The following CTNND2 variants were observed in gnomAD, a reference collection of about 807,000 sequenced individuals.
The protein encoded by CTNND2 is catenin delta 2, also known as catenin delta-2.
Under a neutral mutation model 144.4 loss-of-function variants are expected in CTNND2, and 22 were observed. The ratio of observed to expected loss-of-function variants is 0.15; its 90% CI spans 0.11 to 0.22. CTNND2 has a LOEUF of 0.22. CTNND2 is among the 10% of genes least tolerant of loss of function. The probability of loss-of-function intolerance (pLI) is 1.00; values close to 1 mark genes in which losing one functional copy is unlikely to be tolerated. For synonymous variants in CTNND2, 751 were observed against 695.6 expected (o/e 1.08, Z -1.25); for missense variants, 1,353 against 1,618.8 (o/e 0.84, Z 2.82).
chr5:10,991,215 T>A (rs1375912845), intron 19 of CTNND2, among the ~76,000 whole-genome samples: 1 of 152,202 alleles, frequency 6.6e-6, no homozygotes, highest in East Asian at 1.9e-4. Flanking sequence ...GGCCATTCAT[T>A]TCTCATCATG....
At chr5:11,724,308 G>C (rs536090317) in intron 2 of CTNND2, among the ~76,000 whole-genome samples, 4 of 152,092 alleles carry the variant, frequency 2.6e-5, no homozygotes, top group Non-Finnish European at 5.9e-5. Flanking sequence ...CATTCCAGTG[G>C]AGGGATGAGG....
chr5:11,466,080 G>A (rs907950056), intron 3 of CTNND2, among the ~76,000 whole-genome samples: 3 of 152,120 alleles, frequency 2.0e-5, no homozygotes, highest in African/African-American at 7.2e-5. Context: ...TATGATCATA[G>A]CTCACTGCAA....
chr5:11,181,520 T>C (rs139179612), intron 11 of CTNND2, among the ~76,000 whole-genome samples: 3 of 152,244 alleles, frequency 2.0e-5, no homozygotes, highest in Non-Finnish European at 4.4e-5. Context: ...TGGAAGCTTC[T>C]GCCAAGCCCA....
chr5:11,369,512 T>C (rs539496207), intron 7 of CTNND2, among the ~76,000 whole-genome samples: 1 of 152,364 alleles, frequency 6.6e-6, no homozygotes, highest in East Asian at 1.9e-4. Flanking sequence ...TTGGAACGAT[T>C]TGTAACTAAA....
At chr5:11,315,118 AG>A (rs1326902449) in intron 9 of CTNND2, among the ~76,000 whole-genome samples, 1 of 152,216 alleles carries the variant, frequency 6.6e-6, no homozygotes, top group African/African-American at 2.4e-5. Flanking sequence ...AAAGAAAAAC[AG>A]GAAACCCTAG....
chr5:11,248,220 A>G (rs1489340835), intron 9 of CTNND2, among the ~76,000 whole-genome samples: 1 of 152,184 alleles, frequency 6.6e-6, no homozygotes, highest in Non-Finnish European at 1.5e-5. Flanking sequence ...AGAACATTTG[A>G]GCAGTGTTTT....
At chr5:11,551,432 C>CTTTTTTTTTTTTTTTTTTTTTTTTTT (rs70949326) in intron 3 of CTNND2, among the ~76,000 whole-genome samples, 1 of 100,926 alleles carries the variant, frequency 9.9e-6, no homozygotes, top group African/African-American at 3.6e-5. Context: ...TTTCTTTTTT[C>CTTTTTTTTTTTTTTTTTTTTTTTTTT]TTTTTTTTTT....
At chr5:11,019,875 C>A (rs529490968) in intron 17 of CTNND2, among the ~76,000 whole-genome samples, 1 of 152,066 alleles carries the variant, frequency 6.6e-6, no homozygotes, top group Non-Finnish European at 1.5e-5. Context: ...GAAAAAAAAC[C>A]AAATGTATTC....
chr5:11,340,357 C>G (rs1754122482), intron 9 of CTNND2, among the ~76,000 whole-genome samples: 2 of 152,180 alleles, frequency 1.3e-5, no homozygotes, highest in African/African-American at 2.4e-5. Flanking sequence ...CTGCAGCACC[C>G]ACTCTGGAAT....
intron 9 of CTNND2, among the ~76,000 whole-genome samples, chr5:11,279,324 A>T (rs1298345815): frequency 6.6e-6 from 1 of 152,156 alleles, no homozygotes; most frequent in African/African-American, 2.4e-5. Context: ...AATTAATGGC[A>T]ACCCATCCCT....
At chr5:11,509,376 G>T (rs1771412206) in intron 3 of CTNND2, among the ~76,000 whole-genome samples, 1 of 152,074 alleles carries the variant, frequency 6.6e-6, no homozygotes, top group African/African-American at 2.4e-5. Flanking sequence ...CCATTTAAAA[G>T]CCATCCCATA....
At chr5:11,560,777 T>G (rs147217000) in intron 3 of CTNND2, among the ~76,000 whole-genome samples, 1 of 152,260 alleles carries the variant, frequency 6.6e-6, no homozygotes, top group African/African-American at 2.4e-5. Context: ...AGAGGGAGGA[T>G]ATTCTAGGAA....
intron 2 of CTNND2, among the ~76,000 whole-genome samples, chr5:11,661,396 GA>G (rs1783194340): frequency 6.6e-6 from 1 of 152,120 alleles, no homozygotes; most frequent in Non-Finnish European, 1.5e-5. Context: ...TACTTATTAA[GA>G]AAGTATTACT....
intron 17 of CTNND2, among the ~76,000 whole-genome samples, chr5:11,021,664 C>G (rs1742269343): frequency 6.6e-6 from 1 of 152,110 alleles, no homozygotes; most frequent in African/African-American, 2.4e-5. Flanking sequence ...TCTCTGGGTG[C>G]TTAAACAGAA....
intron 11 of CTNND2, among the ~76,000 whole-genome samples, chr5:11,178,733 T>C (rs1287350947): frequency 2.0e-5 from 3 of 152,332 alleles, no homozygotes; most frequent in Non-Finnish European, 4.4e-5. Flanking sequence ...AATGGTTTTG[T>C]TAAAATTAAT....
intron 3 of CTNND2, among the ~76,000 whole-genome samples, chr5:11,499,469 G>A (rs532928846): frequency 1.7e-4 from 26 of 152,256 alleles, no homozygotes; most frequent in African/African-American, 6.3e-4. Flanking sequence ...AGAGATTACT[G>A]AACTTTGGTA....
intron 3 of CTNND2, among the ~76,000 whole-genome samples, chr5:11,546,561 A>G (rs941290081): frequency 2.6e-5 from 4 of 152,244 alleles, no homozygotes; most frequent in Non-Finnish European, 5.9e-5. Context: ...TAAAGAATCT[A>G]CTGCACTTCT....
chr5:11,833,893 TG>T (rs1794039711), intron 1 of CTNND2, among the ~76,000 whole-genome samples: 2 of 152,184 alleles, frequency 1.3e-5, no homozygotes, highest in Admixed American at 6.5e-5. Context: ...CTTCACTGAA[TG>T]CTAAACCAAA....
chr5:11,538,441 C>T (rs1196739700), intron 3 of CTNND2, among the ~76,000 whole-genome samples: 2 of 152,216 alleles, frequency 1.3e-5, no homozygotes, highest in East Asian at 1.9e-4. Context: ...TAACCAGTGA[C>T]CACTATGTAT....
Sources: allele counts gnomAD v4.1 joint callset (sites outside exome capture counted in the v4.1 genomes callset), GRCh38; gene constraint gnomAD v4.1.1; transcripts MANE v1.5; gene names NCBI Gene and HGNC (gene_info 2026-07-23, HGNC 2026-07-21).